The following OCA2 variants were observed in gnomAD, a reference collection of about 807,000 sequenced individuals.
OCA2 encodes the protein OCA2 melanosomal transmembrane protein.
In OCA2, 77 loss-of-function variants were observed where a neutral mutation model predicts 100.2. That is an observed-to-expected ratio of 0.77 (90% CI 0.64 to 0.93). OCA2 has a LOEUF of 0.93. Among genes scored for constraint, OCA2 ranks in the 40% least tolerant of loss-of-function variants. The pLI, the probability that OCA2 is intolerant of heterozygous loss-of-function variation, is 0.00. For missense variants in OCA2, 1,062 were observed against 1,089.1 expected (o/e 0.98, Z 0.35); for synonymous variants, 432 against 439.2 (o/e 0.98, Z 0.21).
chr15:27,971,163 C>A (rs888676222), intron 14 of OCA2, among the ~76,000 whole-genome samples: 32 of 151,960 alleles, frequency 2.1e-4, no homozygotes, highest in African/African-American at 7.0e-4. Context: ...GAAGAACGCC[C>A]CAGCACGCAT....
intron 19 of OCA2, among the ~76,000 whole-genome samples, chr15:27,873,574 G>C (rs1397621755): frequency 2.0e-5 from 3 of 152,182 alleles, no homozygotes; most frequent in African/African-American, 7.2e-5. Flanking sequence ...GGTTGTGTGT[G>C]TATATGCCCC....
intron 21 of OCA2, among the ~76,000 whole-genome samples, chr15:27,859,210 A>C (rs1350391291): frequency 6.6e-6 from 1 of 152,126 alleles, no homozygotes; most frequent in Non-Finnish European, 1.5e-5. Context: ...AATAGAAAAA[A>C]TAGAGAAAGT....
the OCA2 span, among the ~76,000 whole-genome samples, chr15:27,734,370 G>C: frequency 1.3e-5 from 2 of 151,714 alleles, no homozygotes; most frequent in Middle Eastern, 3.2e-3. Flanking sequence ...AAAAGGGTAG[G>C]AAGGACAGTT....
At chr15:27,996,138 T>A (rs1034973684) in intron 9 of OCA2, among the ~76,000 whole-genome samples, 2 of 151,990 alleles carry the variant, frequency 1.3e-5, no homozygotes, top group Admixed American at 6.6e-5. Flanking sequence ...AACCAATGTG[T>A]CATAAAAGAA....
chr15:27,831,925 AC>A (rs927842747), intron 23 of OCA2, among the ~76,000 whole-genome samples: 1 of 151,896 alleles, frequency 6.6e-6, no homozygotes, highest in Non-Finnish European at 1.5e-5. Flanking sequence ...CATAGATAGC[AC>A]CCAGGCTGAC....
rs1567016091 is a variant in OCA2 at position 27,844,983 on chromosome 15, C to T, written c.2408G>A (p.Gly803Glu). Reference protein sequence around the residue: ...CAGIAEQHGYGFSFMEFFRLG... With the variant: ...CAGIAEQHGYEFSFMEFFRLG... Reference sequence around the variant, plus strand: ...CCTGAAAAATTCCATGAAGGAGAACCCATATCCATGCTGTTCTGCAATCCC... The same window carrying T: ...CCTGAAAAATTCCATGAAGGAGAACTCATATCCATGCTGTTCTGCAATCCC... The change falls in exon 23 of 24, where the codon GGG becomes GAG. Residue 803 changes from glycine to glutamate, a missense_variant. Transcript: ENST00000354638. 2 of 1,612,932 alleles carry T rather than the reference C, an allele frequency of 1.2e-6. No individual in the cohort carries two copies. Among genetic ancestry groups the T allele is most frequent in the Non-Finnish European group, 8.5e-7 (1 of 1,179,146 alleles).
chr15:28,094,031 A>C (rs1020888283), intron 1 of OCA2, among the ~76,000 whole-genome samples: 2 of 152,044 alleles, frequency 1.3e-5, no homozygotes, highest in African/African-American at 4.8e-5. Context: ...TTCCTCATCC[A>C]GTTCTTCCAA....
At chr15:27,954,159 A>ACACACACACACACACACACC (rs147024497) in intron 17 of OCA2, among the ~76,000 whole-genome samples, 2 of 54,996 alleles carry the variant, frequency 3.6e-5, no homozygotes, top group African/African-American at 7.2e-5. Context: ...ACACACACAC[A>ACACACACACACACACACACC]CCTAGGGTCA....
intron 7 of OCA2, 131 bp from the exon 8 acceptor site, chr15:28,016,317 A>G (rs2042392459): frequency 1.3e-6 from 1 of 759,464 alleles, no homozygotes; most frequent in South Asian, 1.4e-5. Context: ...GAGCATCTTT[A>G]TTTGAGCTCT....
chr15:28,080,718 C>T (rs529792817), intron 2 of OCA2, among the ~76,000 whole-genome samples: 11 of 152,286 alleles, frequency 7.2e-5, no homozygotes, highest in East Asian at 3.9e-4. Flanking sequence ...GCTGTGGGAA[C>T]GAGGATCCTC....
At chr15:28,084,080 C>G (rs2044730468) in intron 1 of OCA2, among the ~76,000 whole-genome samples, 1 of 152,198 alleles carries the variant, frequency 6.6e-6, no homozygotes, top group African/African-American at 2.4e-5. Flanking sequence ...GGGTAGAGCT[C>G]TCATGAATCA....
chr15:27,799,676 C>T (rs533296302), intron 23 of OCA2, among the ~76,000 whole-genome samples: 1 of 151,192 alleles, frequency 6.6e-6, no homozygotes, highest in South Asian at 2.1e-4. Context: ...ACCTGGGAGG[C>T]GGAGGCTGCA....
At chr15:27,821,780 C>A (rs953548343) in intron 23 of OCA2, among the ~76,000 whole-genome samples, 2 of 152,128 alleles carry the variant, frequency 1.3e-5, no homozygotes, top group African/African-American at 4.8e-5. Flanking sequence ...TGTCTATATG[C>A]ACCCATGCAC....
Position 28,072,294 on chromosome 15 carries a change from A to G in OCA2, c.227+9354T>C, listed in dbSNP as rs181507749. ...CCATCTCCACCACACTGACTATTAG[A>G]ATATAGTGGAGCAGGCCGGGTGCGG... On this transcript the variant is annotated intron_variant, in intron 2 of 23. Transcript: ENST00000354638. 2.6e-3 allele frequency among the ~76,000 whole-genome samples: 394 copies of G among 150,874 alleles called. 3 individuals carry two copies. Among genetic ancestry groups the G allele is most frequent in the Admixed American group, 4.6e-3 (70 of 15,156 alleles).
At chr15:27,732,637 G>A in the OCA2 span, among the ~76,000 whole-genome samples, 1 of 152,190 alleles carries the variant, frequency 6.6e-6, no homozygotes, top group Non-Finnish European at 1.5e-5. Context: ...CTGTATTGCT[G>A]TGCAGGCTGG....
chr15:27,835,167 C>T (rs894957551), intron 23 of OCA2, among the ~76,000 whole-genome samples: 2 of 152,176 alleles, frequency 1.3e-5, no homozygotes, highest in Non-Finnish European at 2.9e-5. Context: ...CTACAAGTGA[C>T]AGAAAACCCA....
chr15:27,861,200 G>A (rs1006426394), intron 21 of OCA2, among the ~76,000 whole-genome samples: 2 of 152,204 alleles, frequency 1.3e-5, no homozygotes, highest in African/African-American at 4.8e-5. Flanking sequence ...GTTAGAGAAG[G>A]TGAGGTGTTA....
At chr15:27,743,547 A>G in the OCA2 span, among the ~76,000 whole-genome samples, 1 of 152,130 alleles carries the variant, frequency 6.6e-6, no homozygotes, top group African/African-American at 2.4e-5. Context: ...AGTGTCAGCA[A>G]TGCAACAGCA....
intron 23 of OCA2, among the ~76,000 whole-genome samples, chr15:27,756,932 G>A (rs546834926): frequency 6.6e-6 from 1 of 152,340 alleles, no homozygotes; most frequent in South Asian, 2.1e-4. Flanking sequence ...CACCAACGCA[G>A]AGAAGGAGCA....
Sources: gnomAD v4.1 joint callset for allele counts (sites outside exome capture counted in the v4.1 genomes callset) on GRCh38, gnomAD v4.1.1 for gene constraint, MANE v1.5 for transcripts, NCBI Gene and HGNC (gene_info 2026-07-23, HGNC 2026-07-21) for gene names.